HFM1: variants seen among roughly 807,000 people sequenced by gnomAD.
HFM1 encodes probable ATP-dependent DNA helicase HFM1.
Under a neutral mutation model 192.1 loss-of-function variants are expected in HFM1, and 169 were observed. That is an observed-to-expected ratio of 0.88 (90% CI 0.78 to 1.00). The LOEUF is 1.00. Ranked by LOEUF, HFM1 falls within the 50% of genes least tolerant of loss-of-function variation. The pLI, the probability that HFM1 is intolerant of heterozygous loss-of-function variation, is 0.00. For missense variants in HFM1, 1,661 were observed against 1,668.0 expected (o/e 1.00, Z 0.07); for synonymous variants, 525 against 537.8 (o/e 0.98, Z 0.33).
intron 20 of HFM1, among the ~76,000 whole-genome samples, chr1:91,337,693 T>C (rs959364163): frequency 6.6e-6 from 1 of 152,068 alleles, no homozygotes; most frequent in African/African-American, 2.4e-5. Context: ...GGGAGATCCA[T>C]AGGGAGAACT....
chr1:91,274,829 A>C lies in HFM1; in HGVS notation c.3589-20T>G. On this transcript the variant is annotated intron_variant, in intron 32 of 38. Transcript: ENST00000370425. Reference sequence around the variant, plus strand: ...CTGTATCTATTAATGAAACAAAAATAAGTTCAACTATCAGTTTCACATCAA... The same window carrying C: ...CTGTATCTATTAATGAAACAAAAATCAGTTCAACTATCAGTTTCACATCAA... The C allele has an allele frequency of 7.9e-7, 1 of 1,273,836 alleles. No individual in the cohort carries two copies. The allele number at this position is 1,273,836 out of a possible 1,614,324, so 78.9% of individuals were successfully genotyped here. A position where few individuals can be genotyped will look rare whatever the true frequency, so the allele number is the denominator to read the frequency against.
At chr1:91,316,556 T>C (rs1469556350) in intron 25 of HFM1, 80 bp from the exon 26 acceptor site, 1 of 602,246 alleles carries the variant, frequency 1.7e-6, no homozygotes, top group East Asian at 3.5e-5. Context: ...AACAACTAAA[T>C]TAGTAAAAAA....
rs1412526156 is a variant in HFM1, at chr1:91,378,914, C to T, written c.1158+149G>A. ...CTGATTTGTAGGTATTCTGTCTGTA[C>T]CTTGAATTGTAGTATTTTTTTAATG... On this transcript the variant is annotated intron_variant, in intron 9 of 38. Transcript: ENST00000370425. The T allele has an allele frequency of 1.5e-5, 8 of 535,150 alleles. No individual in the cohort carries two copies. In the Admixed American group the frequency reaches 3.2e-4, roughly 22 times the overall value. The allele number at this position is 535,150 out of a possible 1,614,324, so 33.2% of individuals were successfully genotyped here. A position where few individuals can be genotyped will look rare whatever the true frequency, so the allele number is the denominator to read the frequency against.
chr1:91,311,753 C>A (rs1650492662), intron 30 of HFM1, among the ~76,000 whole-genome samples: 1 of 152,154 alleles, frequency 6.6e-6, no homozygotes, highest in African/African-American at 2.4e-5. Context: ...TAATGTTAAA[C>A]CTCAAGACCA....
rs199964473 is a variant in HFM1, at chr1:91,396,359, G to A, written c.118C>T (p.Pro40Ser). ...KSLDWFLPPA[P>S]LISEIPDTQE... ...GTATCTGGAATTTCTGAAATCAATGGAGCAGGAGGGAGAAACCAATCCAAT... is the reference window on the plus strand; with the variant it reads ...GTATCTGGAATTTCTGAAATCAATGAAGCAGGAGGGAGAAACCAATCCAAT... Residue 40 changes from proline to serine, a missense_variant, in exon 3 of 39, where the codon CCA becomes TCA. Coordinates refer to ENST00000370425, the MANE Select transcript of HFM1 (RefSeq NM_001017975.6). The A allele has an allele frequency of 3.4e-5, 55 of 1,604,312 alleles. No individual in the cohort carries two copies. Among genetic ancestry groups the A allele is most frequent in the Non-Finnish European group, 2.0e-5 (23 of 1,174,470 alleles).
chr1:91,395,137 A>C (rs1203640742), intron 3 of HFM1, among the ~76,000 whole-genome samples: 1 of 152,110 alleles, frequency 6.6e-6, no homozygotes, highest in Non-Finnish European at 1.5e-5. Flanking sequence ...GGTCACATAC[A>C]TTGTTTGAGT....
At chr1:91,370,562 A>C (rs1660043103) in intron 13 of HFM1, among the ~76,000 whole-genome samples, 1 of 152,224 alleles carries the variant, frequency 6.6e-6, no homozygotes, top group Non-Finnish European at 1.5e-5. Context: ...AAAAACTCTC[A>C]ATAAATTAGG....
chr1:91,270,829 C>G (rs1666223010), intron 34 of HFM1, among the ~76,000 whole-genome samples: 1 of 152,048 alleles, frequency 6.6e-6, no homozygotes, highest in Non-Finnish European at 1.5e-5. Context: ...AGGACTGATA[C>G]ACAGAAAACC....
At chr1:91,354,445 C>T (rs1004035262) in intron 13 of HFM1, among the ~76,000 whole-genome samples, 1 of 152,050 alleles carries the variant, frequency 6.6e-6, no homozygotes, top group Non-Finnish European at 1.5e-5. Context: ...TTGCTGAAAA[C>T]TTCCCAAGTC....
chr1:91,311,845 G>A (rs1650508779), intron 30 of HFM1, among the ~76,000 whole-genome samples: 1 of 152,164 alleles, frequency 6.6e-6, no homozygotes, highest in African/African-American at 2.4e-5. Context: ...GGAGGAAAAA[G>A]TGCTTTCATG....
At chr1:91,379,467 C>G (rs1661298655) in intron 8 of HFM1, among the ~76,000 whole-genome samples, 1 of 151,878 alleles carries the variant, frequency 6.6e-6, no homozygotes, top group South Asian at 2.1e-4. Flanking sequence ...GACTGATAAG[C>G]TAAAGAAAAA....
At chr1:91,403,146 C>T (rs907163615) in intron 1 of HFM1, among the ~76,000 whole-genome samples, 2 of 151,974 alleles carry the variant, frequency 1.3e-5, no homozygotes, top group African/African-American at 4.8e-5. Flanking sequence ...ATAGTATATG[C>T]TTAGTTGTTT....
At position 91,319,136 on chromosome 1, in the gene HFM1, A is replaced by AT. The variant is rs778554439; in HGVS notation, c.2753_2754insA (p.Cys918Ter). The change falls in exon 25 of 39, where the codon TGT becomes TGAT. Residue 918 changes from cysteine to a stop codon, truncating the protein, a stop_gained and frameshift_variant. Coordinates refer to ENST00000370425, the MANE Select transcript of HFM1 (RefSeq NM_001017975.6). LOFTEE classifies it high-confidence loss of function. ...VLLNSLILAK[C>*]FRCKLWENSL... The stretch of plus-strand genomic sequence containing the variant: ...AGTTTTCCCAAAGTTTACACCTAAA[A>AT]CATTTAGCTAAAATCAAACTATTCA... 3 of 1,610,996 alleles carry AT rather than the reference A, an allele frequency of 1.9e-6. No individual in the cohort carries two copies. In the African/African-American group the frequency reaches 4.0e-5, roughly 22 times the overall value.
upstream of HFM1, among the ~76,000 whole-genome samples, chr1:91,407,162 T>C (rs1284522961): frequency 3.9e-5 from 6 of 152,134 alleles, no homozygotes; most frequent in East Asian, 1.2e-3. Context: ...AACAAGAAAT[T>C]TGTGCCCATT....
intron 13 of HFM1, among the ~76,000 whole-genome samples, chr1:91,374,150 A>G (rs1660609514): frequency 6.6e-6 from 1 of 152,174 alleles, no homozygotes; most frequent in Admixed American, 6.6e-5. Flanking sequence ...AATGCTGTAC[A>G]GAGTAACAGT....
At chr1:91,321,287 T>C (rs1652063952) in intron 23 of HFM1, among the ~76,000 whole-genome samples, 1 of 151,926 alleles carries the variant, frequency 6.6e-6, no homozygotes, top group Admixed American at 6.6e-5. Context: ...CTACTAAAAA[T>C]ACAAAAATTA....
rs61475134 is a variant in HFM1, at chr1:91,296,866, G to A, written c.3391+16483C>T. On this transcript the variant is annotated intron_variant, in intron 30 of 38. Transcript: ENST00000370425. Reference sequence around the variant, plus strand: ...CCAGTCTACAGCTCCCAGCGTGAGCGATGCAGAAGACAGGTGATTTCTGCA... The same window carrying A: ...CCAGTCTACAGCTCCCAGCGTGAGCAATGCAGAAGACAGGTGATTTCTGCA... 2.3e-3 allele frequency among the ~76,000 whole-genome samples: 356 copies of A among 152,308 alleles called. 1 individual carries two copies. Among genetic ancestry groups the A allele is most frequent in the African/African-American group, 8.0e-3 (334 of 41,570 alleles).
chr1:91,323,100 T>G lies in HFM1; in HGVS notation c.2527A>C (p.Thr843Pro), dbSNP rs1329229559. ...NTLNKDPNRI[T>P]IRFPMEGRIK... ...CATATGTAATTTCTGTACCTGATAG[T>G]TATCCGATTTGGATCTTTGTTCAAA... is the stretch of plus-strand genomic sequence containing the variant. Residue 843 changes from threonine to proline, a missense_variant, in exon 22 of 39, where the codon ACT becomes CCT. Physicochemically the swap from Thr to Pro is conservative, Grantham distance 38. Transcript: ENST00000370425. 1 of 1,528,004 alleles carries G rather than the reference T, an allele frequency of 6.5e-7. No homozygotes were observed. The highest frequency in any genetic ancestry group is 9.0e-7 in the Non-Finnish European group (1 of 1,112,248). 94.7% of individuals were successfully genotyped at this position (1,528,004 alleles called of 1,614,324 possible).
chr1:91,387,511 G>A (rs1662369273), intron 4 of HFM1, among the ~76,000 whole-genome samples: 1 of 151,956 alleles, frequency 6.6e-6, no homozygotes, highest in African/African-American at 2.4e-5. Flanking sequence ...TGTCCTCCCT[G>A]AGCTCGCCTT....
Sources: gnomAD v4.1 joint callset for allele counts (sites outside exome capture counted in the v4.1 genomes callset) on GRCh38, gnomAD v4.1.1 for gene constraint, MANE v1.5 for transcripts, NCBI Gene and HGNC (gene_info 2026-07-23, HGNC 2026-07-21) for gene names.